The following HIPK3 variants were observed in gnomAD, a reference collection of about 807,000 sequenced individuals.
HIPK3 encodes homeodomain-interacting protein kinase 3.
A neutral mutation model predicts 124.2 loss-of-function variants in HIPK3; 47 were observed. The observed-to-expected ratio is 0.38, with a 90% CI of 0.30 to 0.48. The LOEUF (loss-of-function observed/expected upper bound fraction) is 0.48, where lower values mean the gene tolerates loss of function less well. HIPK3 is among the 20% of genes least tolerant of loss of function. The probability of loss-of-function intolerance (pLI) is 0.98; values close to 1 mark genes in which losing one functional copy is unlikely to be tolerated. For missense variants in HIPK3, 1,286 were observed against 1,454.3 expected, an observed-to-expected ratio of 0.88 and a Z score of 1.88; for synonymous variants, 482 against 515.2, an observed-to-expected ratio of 0.94 and a Z score of 0.87.
At chr11:33,274,769 AG>A (rs1851228455) in intron 1 of HIPK3, among the ~76,000 whole-genome samples, 1 of 152,134 alleles carries the variant, frequency 6.6e-6, no homozygotes. Context: ...TTGTACTGGC[AG>A]GGTGATTTCT....
chr11:33,308,568 C>T (rs1852231596), intron 2 of HIPK3, among the ~76,000 whole-genome samples: 1 of 150,812 alleles, frequency 6.6e-6, no homozygotes, highest in Non-Finnish European at 1.5e-5. Context: ...TAGGGTTTTT[C>T]TTTGTCTTTT....
At chr11:33,352,006 A>G (rs1853676735) in intron 15 of HIPK3, 132 bp from the exon 16 acceptor site, 1 of 1,058,912 alleles carries the variant, frequency 9.4e-7, no homozygotes, top group Non-Finnish European at 1.4e-6. Context: ...CTTGGAAACC[A>G]TGACCTCTCC....
chr11:33,276,716 T>C (rs371288959), intron 1 of HIPK3, among the ~76,000 whole-genome samples: 2 of 151,992 alleles, frequency 1.3e-5, no homozygotes, highest in South Asian at 4.2e-4. Flanking sequence ...ATTATTCTTA[T>C]TTTTTTTGAG....
In HIPK3 at chr11:33,355,345, A is replaced by T. The variant is rs1853788413; in HGVS notation, c.*1777A>T. 6.6e-6 allele frequency: 1 copy of T among 152,068 alleles called. No individual in the cohort carries two copies. The allele number at this position is 152,068 out of a possible 1,614,324, so 9.4% of individuals were successfully genotyped here. On this transcript the variant is annotated 3_prime_UTR_variant, in exon 17 of 17. Coordinates refer to ENST00000303296, the MANE Select transcript of HIPK3 (RefSeq NM_005734.5). Reference sequence around the variant, plus strand: ...TATTAATGTTTGTGCTCATCACTGCATATTAAAAAAACTTGGATGTATCAG... The same window carrying T: ...TATTAATGTTTGTGCTCATCACTGCTTATTAAAAAAACTTGGATGTATCAG...
At chr11:33,272,778 T>TGCCA (rs1851164537) in intron 1 of HIPK3, among the ~76,000 whole-genome samples, 1 of 3,600 alleles carries the variant, frequency 2.8e-4, no homozygotes, top group African/African-American at 9.8e-4. Flanking sequence ...CCCTCCTCCC[T>TGCCA]CCCCCTCCCT....
Position 33,339,679 on chromosome 11 carries a change from C to A in HIPK3, c.1613+145C>A, listed in dbSNP as rs1185912736. On this transcript the variant is annotated intron_variant, in intron 6 of 16. Transcript: ENST00000303296. ...AAGCTAACTTGACCAAGTTCACATA[C>A]ACCAGTAAGTGTCAGGGAACTAGAA... 10 of 569,124 alleles carry A rather than the reference C, an allele frequency of 1.8e-5. No homozygotes were observed. In the East Asian group the frequency reaches 2.7e-4, roughly 15 times the overall value. The allele number at this position is 569,124 out of a possible 1,614,324, so 35.3% of individuals were successfully genotyped here.
chr11:33,304,413 T>C (rs1384606976), intron 2 of HIPK3, among the ~76,000 whole-genome samples: 1 of 152,014 alleles, frequency 6.6e-6, no homozygotes, highest in Non-Finnish European at 1.5e-5. Flanking sequence ...CAAAATTAGC[T>C]GGGCTTGGTG....
chr11:33,336,648 A>C (rs1853157845), intron 3 of HIPK3, among the ~76,000 whole-genome samples: 1 of 152,180 alleles, frequency 6.6e-6, no homozygotes, highest in South Asian at 2.1e-4. Flanking sequence ...TTTACCTGCT[A>C]GTTCAATTTC....
intron 2 of HIPK3, among the ~76,000 whole-genome samples, chr11:33,323,924 G>T (rs1195363744): frequency 1.3e-5 from 2 of 152,180 alleles, no homozygotes; most frequent in East Asian, 3.8e-4. Context: ...CATTCAACTG[G>T]CATGTTTAAT....
At chr11:33,344,750 G>A (rs1853443289) in intron 8 of HIPK3, among the ~76,000 whole-genome samples, 1 of 152,206 alleles carries the variant, frequency 6.6e-6, no homozygotes, top group African/African-American at 2.4e-5. Flanking sequence ...GCAGCAACAG[G>A]CCAGGCAGGC....
intron 2 of HIPK3, 123 bp downstream of exon 2, chr11:33,287,634 A>C (rs886957014): frequency 1.8e-6 from 2 of 1,097,824 alleles, no homozygotes; most frequent in Non-Finnish European, 2.6e-6. Flanking sequence ...TCAAGAGAGG[A>C]TCAATTTAGG....
At chr11:33,292,821 C>T (rs1021657607) in intron 2 of HIPK3, among the ~76,000 whole-genome samples, 3 of 152,102 alleles carry the variant, frequency 2.0e-5, no homozygotes, top group Non-Finnish European at 2.9e-5. Context: ...CTGCAAGCTC[C>T]GCGTCCCGGG....
intron 3 of HIPK3, among the ~76,000 whole-genome samples, chr11:33,329,091 T>C (rs892748089): frequency 1.3e-5 from 2 of 152,174 alleles, no homozygotes; most frequent in Non-Finnish European, 2.9e-5. Context: ...TTTTGAGTGG[T>C]GCTGAAATTC....
intron 1 of HIPK3, among the ~76,000 whole-genome samples, chr11:33,280,899 T>C (rs915368665): frequency 6.6e-6 from 1 of 152,126 alleles, no homozygotes; most frequent in Non-Finnish European, 1.5e-5. Context: ...TGAATTTGCC[T>C]GTGGTTTTTG....
chr11:33,279,175 A>G (rs534464145), intron 1 of HIPK3, among the ~76,000 whole-genome samples: 5 of 151,938 alleles, frequency 3.3e-5, no homozygotes, highest in Admixed American at 2.6e-4. Flanking sequence ...TTAGCCAGAC[A>G]TGGTGGTGTA....
At position 33,353,085 on chromosome 11, in the gene HIPK3, T is replaced by C; in HGVS notation, c.3172-7T>C. The C allele has an allele frequency of 6.5e-7, 1 of 1,535,640 alleles. No homozygotes were observed. The highest frequency in any genetic ancestry group is 8.8e-7 in the Non-Finnish European group (1 of 1,132,672). ...TTCAGTCATTTTTTTTTTTTCTTTG[T>C]GGATAGGTTCAGCACTTTGGATCTG... is the stretch of plus-strand genomic sequence containing the variant. On this transcript the variant is annotated splice_polypyrimidine_tract_variant and splice_region_variant and intron_variant, in intron 16 of 16. Coordinates refer to ENST00000303296, the MANE Select transcript of HIPK3 (RefSeq NM_005734.5).
chr11:33,274,056 C>G (rs1041802368), intron 1 of HIPK3, among the ~76,000 whole-genome samples: 2 of 152,142 alleles, frequency 1.3e-5, no homozygotes, highest in African/African-American at 4.8e-5. Context: ...GTAAACCATA[C>G]TTTTGAAAAG....
At chr11:33,353,059 A>G in intron 16 of HIPK3, 33 bp from the exon 17 acceptor site, 1 of 1,221,676 alleles carries the variant, frequency 8.2e-7, no homozygotes, top group Non-Finnish European at 1.2e-6. Flanking sequence ...AAGGTATGTT[A>G]TTCAGTCATT....
Position 33,258,152 on chromosome 11 carries a change from G to T in HIPK3, c.-3+263G>T, listed in dbSNP as rs374729186. ...CACGCCAGGCCCTGGGCCGCCGGAC[G>T]CGGGGGCCGTAGCCTCCGGGAAGCC... On this transcript the variant is annotated intron_variant, in intron 1 of 16. Coordinates refer to ENST00000303296, the MANE Select transcript of HIPK3 (RefSeq NM_005734.5). Among the ~76,000 whole-genome samples the T allele has an allele frequency of 1.5e-4, 23 of 152,158 alleles. No homozygotes were observed. In the East Asian group the frequency reaches 4.3e-3, roughly 28 times the overall value.
Sources: allele counts gnomAD v4.1 joint callset (sites outside exome capture counted in the v4.1 genomes callset), GRCh38; gene constraint gnomAD v4.1.1; transcripts MANE v1.5; gene names NCBI Gene and HGNC (gene_info 2026-07-23, HGNC 2026-07-21).